The following AP2B1 variants were observed in gnomAD, a reference collection of about 807,000 sequenced individuals.
AP2B1 encodes AP-2 complex subunit beta.
A neutral mutation model predicts 102.0 loss-of-function variants in AP2B1; 23 were observed. The ratio of observed to expected loss-of-function variants is 0.23; its 90% CI spans 0.16 to 0.32. The LOEUF is 0.32. Ranked by LOEUF, AP2B1 falls within the 10% of genes least tolerant of loss-of-function variation. The pLI is 1.00. For synonymous variants in AP2B1, 381 were observed against 421.2 expected, an observed-to-expected ratio of 0.90 and a Z score of 1.17; for missense variants, 541 against 1,157.4, an observed-to-expected ratio of 0.47 and a Z score of 7.73.
intron 9 of AP2B1, among the ~76,000 whole-genome samples, chr17:35,632,809 A>C (rs1170489500): frequency 1.3e-5 from 2 of 152,086 alleles, no homozygotes; most frequent in East Asian, 3.8e-4. Context: ...CTACGGATTT[A>C]CTAAATATGA....
At chr17:35,708,863 G>A (rs2076395201) in intron 18 of AP2B1, among the ~76,000 whole-genome samples, 1 of 152,122 alleles carries the variant, frequency 6.6e-6, no homozygotes, top group South Asian at 2.1e-4. Context: ...CTTTGTTTGA[G>A]ATCATTATAG....
At chr17:35,637,932 C>A (rs183501329) in intron 10 of AP2B1, among the ~76,000 whole-genome samples, 120 of 152,228 alleles carry the variant, frequency 7.9e-4, no homozygotes, top group Middle Eastern at 3.4e-3. Context: ...TGATCCCCCC[C>A]ACCTCGCCCT....
At chr17:35,639,203 C>G (rs1025912747) in intron 10 of AP2B1, among the ~76,000 whole-genome samples, 12 of 152,048 alleles carry the variant, frequency 7.9e-5, no homozygotes, top group Middle Eastern at 3.2e-3. Context: ...TGTGGTGGCA[C>G]TAAATTGTAG....
Position 35,657,592 on chromosome 17 carries a change from A to G in AP2B1, c.1797-7A>G. ...CTTTTCTCCATTTTATGTGTATGTG[A>G]CTTTAGCACTGATGCAGGTGACAGC... On this transcript the variant is annotated splice_region_variant and splice_polypyrimidine_tract_variant and intron_variant, in intron 13 of 21. Transcript: ENST00000610402. 1 of 1,606,744 alleles carries G rather than the reference A, an allele frequency of 6.2e-7. No individual in the cohort carries two copies. The highest frequency in any genetic ancestry group is 8.5e-7 in the Non-Finnish European group (1 of 1,175,444).
Position 35,641,865 on chromosome 17 carries a change from A to G in AP2B1, c.1438-12A>G. 4 of 1,589,532 alleles carry G rather than the reference A, an allele frequency of 2.5e-6. No individual in the cohort carries two copies. The highest frequency in any genetic ancestry group is 2.3e-5 in the South Asian group (2 of 88,854). ...CCATTCTTTCACACTATCACAAATTATGTCTGTTTAGGTGCAGCTCACTCT... is the reference window on the plus strand; with the variant it reads ...CCATTCTTTCACACTATCACAAATTGTGTCTGTTTAGGTGCAGCTCACTCT... On this transcript the variant is annotated splice_polypyrimidine_tract_variant and intron_variant, in intron 11 of 21. Transcript: ENST00000610402.
At chr17:35,660,273 A>G (rs999657104) in intron 14 of AP2B1, among the ~76,000 whole-genome samples, 2 of 152,064 alleles carry the variant, frequency 1.3e-5, no homozygotes, top group Admixed American at 6.6e-5. Context: ...GTGAGCCAGC[A>G]CACTGAGCCT....
At chr17:35,716,699 A>C (rs1292944339) in intron 20 of AP2B1, among the ~76,000 whole-genome samples, 1 of 152,096 alleles carries the variant, frequency 6.6e-6, no homozygotes, top group African/African-American at 2.4e-5. Flanking sequence ...CTGGCAGTTG[A>C]GGCCCGAATG....
intron 18 of AP2B1, among the ~76,000 whole-genome samples, chr17:35,685,009 CA>C (rs1263875966): frequency 6.6e-6 from 1 of 152,160 alleles, no homozygotes; most frequent in Non-Finnish European, 1.5e-5. Flanking sequence ...AATCTTAGTC[CA>C]ACCCTTTCCT....
At chr17:35,621,097 G>A (rs561117841) in intron 5 of AP2B1, among the ~76,000 whole-genome samples, 1 of 152,266 alleles carries the variant, frequency 6.6e-6, no homozygotes, top group Admixed American at 6.5e-5. Flanking sequence ...TGGAGGAAGA[G>A]GAAGTAAATC....
In AP2B1 at chr17:35,641,513, G is replaced by A. The variant is rs546708414; in HGVS notation, c.1438-364G>A. Among the ~76,000 whole-genome samples, 45 of 152,202 alleles carry A rather than the reference G, an allele frequency of 3.0e-4. No individual in the cohort carries two copies. In the Middle Eastern group the frequency reaches 0.01, roughly 35 times the overall value. ...GGATTGCTTGAGTCCAGGAGTTTGA[G>A]GCTACAATGAGCTATGGATGTGCAG... On this transcript the variant is annotated intron_variant, in intron 11 of 21. Transcript: ENST00000610402.
chr17:35,635,757 C>T (rs545695650), intron 9 of AP2B1, among the ~76,000 whole-genome samples: 1 of 152,200 alleles, frequency 6.6e-6, no homozygotes, highest in South Asian at 2.1e-4. Flanking sequence ...AGTACAATGG[C>T]GCGATCTCGG....
chr17:35,605,622 A>C, intron 3 of AP2B1, 83 bp from the exon 4 acceptor site: 2 of 903,828 alleles, frequency 2.2e-6, no homozygotes, highest in South Asian at 1.6e-5. Context: ...AATCACTGTT[A>C]GTTAAGGCTA....
At chr17:35,662,280 T>C (rs917956609) in intron 14 of AP2B1, among the ~76,000 whole-genome samples, 3 of 152,040 alleles carry the variant, frequency 2.0e-5, no homozygotes, top group Non-Finnish European at 4.4e-5. Flanking sequence ...ACATCCTTAT[T>C]TTTTTATCGC....
In AP2B1 at chr17:35,650,510, T is replaced by C; in HGVS notation, c.1537-20T>C. On this transcript the variant is annotated intron_variant, in intron 12 of 21. Transcript: ENST00000610402. ...GAGAACAGTTTCATCTCCACCTCCT[T>C]GCCTTTGCCTTTTCTTTAGGATTCT... 6.2e-7 allele frequency: 1 copy of C among 1,611,320 alleles called. No homozygotes were observed. The highest frequency in any genetic ancestry group is 1.3e-5 in the African/African-American group (1 of 74,870).
chr17:35,700,442 A>T (rs956471048), intron 18 of AP2B1, among the ~76,000 whole-genome samples: 1 of 152,134 alleles, frequency 6.6e-6, no homozygotes, highest in South Asian at 2.1e-4. Context: ...GAGAAATAAA[A>T]GAAAAAAATA....
At chr17:35,671,659 G>T in intron 15 of AP2B1, 95 bp from the exon 16 acceptor site, 1 of 1,242,332 alleles carries the variant, frequency 8.0e-7, no homozygotes, top group Non-Finnish European at 1.1e-6. Flanking sequence ...TTTTCTTATT[G>T]ATTTATCAAA....
At chr17:35,672,045 C>T in intron 16 of AP2B1, 145 bp downstream of exon 16, 2 of 811,952 alleles carry the variant, frequency 2.5e-6, no homozygotes, top group Admixed American at 3.0e-5. Context: ...TGAAAGGTGG[C>T]TTCAAACTTA....
chr17:35,647,167 A>G (rs1053829777), intron 12 of AP2B1, among the ~76,000 whole-genome samples: 1 of 152,232 alleles, frequency 6.6e-6, no homozygotes, highest in South Asian at 2.1e-4. Context: ...GACTGCATAT[A>G]TAGGTTAAAA....
intron 11 of AP2B1, among the ~76,000 whole-genome samples, 162 bp from the exon 12 acceptor site, chr17:35,641,715 C>T (rs1395882403): frequency 1.3e-5 from 2 of 152,170 alleles, no homozygotes; most frequent in African/African-American, 4.8e-5. Flanking sequence ...ATACTTTTGA[C>T]TGCTGTTGTT....
Sources: gnomAD v4.1 joint callset for allele counts (sites outside exome capture counted in the v4.1 genomes callset) on GRCh38, gnomAD v4.1.1 for gene constraint, MANE v1.5 for transcripts, NCBI Gene and HGNC (gene_info 2026-07-23, HGNC 2026-07-21) for gene names.